TXNRD1: variants seen among roughly 807,000 people sequenced by gnomAD.
TXNRD1 encodes the protein thioredoxin reductase 1.
TXNRD1 carries 57 observed loss-of-function variants against 80.3 expected under a neutral mutation model. The ratio of observed to expected loss-of-function variants is 0.71; its 90% CI spans 0.57 to 0.89. TXNRD1 has a LOEUF of 0.89. Among genes scored for constraint, TXNRD1 ranks in the 40% least tolerant of loss-of-function variants. The probability of loss-of-function intolerance (pLI) is 0.00; values close to 1 mark genes in which losing one functional copy is unlikely to be tolerated. For synonymous variants in TXNRD1, 291 were observed against 285.2 expected (o/e 1.02, Z -0.20); for missense variants, 730 against 803.0 (o/e 0.91, Z 1.10).
chr12:104,216,154 G>T (rs903650640), intron 1 of TXNRD1, among the ~76,000 whole-genome samples: 1 of 152,250 alleles, frequency 6.6e-6, no homozygotes, highest in Non-Finnish European at 1.5e-5. Flanking sequence ...GGCCCGCCGC[G>T]AGGACCTGCC....
At position 104,343,397 on chromosome 12, in the gene TXNRD1, C is replaced by T. The variant is rs778044325; in HGVS notation, c.1881+4124C>T. Among the ~76,000 whole-genome samples the T allele has an allele frequency of 6.6e-4, 101 of 152,168 alleles. 2 individuals carry two copies. The highest frequency in any genetic ancestry group is 1.3e-4 in the Non-Finnish European group (9 of 68,038). On this transcript the variant is annotated intron_variant, in intron 16 of 16. Coordinates refer to ENST00000525566, the MANE Select transcript of TXNRD1 (RefSeq NM_001093771.3). Reference sequence around the variant, plus strand: ...ATGGAAATGATTCTTGGTAGCAACACGAATGTAGTGGAGACACACAGACCT... The same window carrying T: ...ATGGAAATGATTCTTGGTAGCAACATGAATGTAGTGGAGACACACAGACCT...
intron 13 of TXNRD1, among the ~76,000 whole-genome samples, chr12:104,330,456 C>T (rs1395621918): frequency 6.6e-6 from 1 of 152,174 alleles, no homozygotes; most frequent in Admixed American, 6.6e-5. Context: ...TAACATCATA[C>T]AGTATGCTTT....
intron 7 of TXNRD1, among the ~76,000 whole-genome samples, chr12:104,318,021 G>A (rs1011101638): frequency 5.3e-5 from 8 of 152,142 alleles, no homozygotes; most frequent in African/African-American, 1.9e-4. Flanking sequence ...CACACTTGTA[G>A]TCCCAGCTAC....
At chr12:104,303,623 G>A in intron 4 of TXNRD1, 1 of 338,696 alleles carries the variant, frequency 3.0e-6, no homozygotes, top group South Asian at 5.6e-5. Context: ...TGTTGGGAGC[G>A]CCGCGCTGGT....
intron 1 of TXNRD1, among the ~76,000 whole-genome samples, chr12:104,229,871 G>T (rs2032575803): frequency 6.6e-6 from 1 of 152,030 alleles, no homozygotes; most frequent in Non-Finnish European, 1.5e-5. Context: ...GATTACAGGT[G>T]TGAGCCACTG....
intron 2 of TXNRD1, among the ~76,000 whole-genome samples, chr12:104,252,690 A>T (rs11111951): frequency 0.011 from 427 of 39,694 alleles, 64 homozygotes; most frequent in Non-Finnish European, 0.012. Flanking sequence ...ATATATATAT[A>T]TTTTTTTTTT....
At chr12:104,303,786 G>A (rs1042479098) in intron 4 of TXNRD1, 6 of 1,281,452 alleles carry the variant, frequency 4.7e-6, no homozygotes, top group African/African-American at 1.5e-5. Flanking sequence ...CCACACGCTG[G>A]GAGGGCCGTT....
intron 3 of TXNRD1, among the ~76,000 whole-genome samples, chr12:104,277,879 C>CTTTTT (rs140314717): frequency 7.1e-6 from 1 of 141,834 alleles, no homozygotes; most frequent in South Asian, 2.2e-4. Context: ...TGGCAAGATT[C>CTTTTT]TTTTTTTTTT....
At chr12:104,337,000 G>T (rs1050398917) in intron 15 of TXNRD1, among the ~76,000 whole-genome samples, 14 of 148,940 alleles carry the variant, frequency 9.4e-5, no homozygotes, top group African/African-American at 3.4e-4. Flanking sequence ...CTTTGAAGTC[G>T]AAGGGTCTCA....
chr12:104,335,495 C>T (rs369532436), intron 15 of TXNRD1, among the ~76,000 whole-genome samples: 13 of 152,166 alleles, frequency 8.5e-5, no homozygotes, highest in African/African-American at 9.6e-5. Flanking sequence ...CCACCGCGCC[C>T]GGCCTATTAC....
intron 16 of TXNRD1, among the ~76,000 whole-genome samples, chr12:104,340,728 A>G (rs2036295155): frequency 6.6e-6 from 1 of 152,176 alleles, no homozygotes; most frequent in Non-Finnish European, 1.5e-5. Flanking sequence ...CTAATCCAAC[A>G]TGATCTCATT....
chr12:104,273,918 C>T (rs1218393052), intron 3 of TXNRD1, among the ~76,000 whole-genome samples: 4 of 151,796 alleles, frequency 2.6e-5, no homozygotes, highest in East Asian at 3.9e-4. Context: ...GGCGTGGTGG[C>T]GGGCACCTGT....
chr12:104,331,191 A>G (rs894476233), intron 13 of TXNRD1, among the ~76,000 whole-genome samples: 3 of 152,126 alleles, frequency 2.0e-5, no homozygotes, highest in Admixed American at 6.5e-5. Context: ...ATAATCCAAA[A>G]CTATCAGATT....
chr12:104,320,152 G>C (rs2035475581), intron 9 of TXNRD1, among the ~76,000 whole-genome samples: 1 of 152,196 alleles, frequency 6.6e-6, no homozygotes, highest in South Asian at 2.1e-4. Context: ...GTTTATTTTT[G>C]CCCGTCAAAT....
At chr12:104,295,746 C>T (rs189753949) in intron 4 of TXNRD1, among the ~76,000 whole-genome samples, 10 of 152,280 alleles carry the variant, frequency 6.6e-5, no homozygotes, top group East Asian at 5.8e-4. Context: ...TCTGTTCCCA[C>T]GACAATCCCA....
chr12:104,295,898 G>A (rs78345313), intron 4 of TXNRD1, among the ~76,000 whole-genome samples: 2,947 of 152,260 alleles, frequency 0.019, 91 homozygotes, highest in African/African-American at 0.066. Context: ...AAGCAAATAT[G>A]CCTGTTAATG....
chr12:104,237,106 A>C (rs572155591), intron 1 of TXNRD1, among the ~76,000 whole-genome samples: 1 of 152,328 alleles, frequency 6.6e-6, no homozygotes, highest in Non-Finnish European at 1.5e-5. Context: ...CTCCAAATTA[A>C]AAGCAGATAG....
At chr12:104,265,261 A>AAC (rs1565868729) in intron 3 of TXNRD1, 1 of 1,513,018 alleles carries the variant, frequency 6.6e-7, no homozygotes, top group African/African-American at 1.4e-5. Flanking sequence ...AAAAAAAAAA[A>AAC]AAAAAAAACT....
Position 104,321,161 on chromosome 12 carries a change from G to C in TXNRD1, c.1060G>C (p.Glu354Gln), listed in dbSNP as rs2035514842. Residue 354 changes from glutamate (E) to glutamine (Q), a missense_variant, in exon 10 of 17, where the codon GAG becomes CAG. Coordinates refer to ENST00000525566, the MANE Select transcript of TXNRD1 (RefSeq NM_001093771.3). The part of the protein sequence containing the change: ...LVVGASYVAL[E>Q]CAGFLAGIGL... ...TGTTGGAGCATCCTATGTCGCTTTG[G>C]AGTGCGCTGGATTTCTTGCTGGTAT... is the stretch of plus-strand genomic sequence containing the variant. 1 of 1,613,286 alleles carries C rather than the reference G, an allele frequency of 6.2e-7. No individual in the cohort carries two copies. The highest frequency in any genetic ancestry group is 1.7e-5 in the Admixed American group (1 of 59,938).
Sources: gnomAD v4.1 joint callset for allele counts (sites outside exome capture counted in the v4.1 genomes callset) on GRCh38, gnomAD v4.1.1 for gene constraint, MANE v1.5 for transcripts, NCBI Gene and HGNC (gene_info 2026-07-23, HGNC 2026-07-21) for gene names.